The following INPP5F variants were observed in gnomAD, a reference collection of about 807,000 sequenced individuals.
The protein encoded by INPP5F is inositol polyphosphate-5-phosphatase F.
INPP5F carries 97 observed loss-of-function variants against 137.2 expected under a neutral mutation model. The observed-to-expected ratio is 0.71, with a 90% confidence interval of 0.60 to 0.84. The LOEUF is 0.84. INPP5F is among the 40% of genes least tolerant of loss of function. The pLI is 0.00. For missense variants in INPP5F, 1,271 were observed against 1,371.9 expected, an observed-to-expected ratio of 0.93 and a Z score of 1.16; for synonymous variants, 504 against 476.9, an observed-to-expected ratio of 1.06 and a Z score of -0.74.
intron 2 of INPP5F, among the ~76,000 whole-genome samples, chr10:119,779,523 G>C (rs1054388621): frequency 6.6e-6 from 1 of 151,806 alleles, no homozygotes. Flanking sequence ...AGGCTTAAGC[G>C]ATCCTCCTAC....
At chr10:119,816,134 G>T (rs1309483742) in intron 15 of INPP5F, 3 of 152,312 alleles carry the variant, frequency 2.0e-5, no homozygotes, top group African/African-American at 7.2e-5. Context: ...TGTCCCTGTG[G>T]CTGGCTCCAC....
intron 1 of INPP5F, among the ~76,000 whole-genome samples, chr10:119,740,841 C>T (rs1319952162): frequency 6.6e-6 from 1 of 152,034 alleles, no homozygotes; most frequent in East Asian, 1.9e-4. Flanking sequence ...GTGCCCGGCC[C>T]CATACTTTTT....
At chr10:119,824,204 A>G (rs1250622172) in intron 19 of INPP5F, among the ~76,000 whole-genome samples, 1 of 152,312 alleles carries the variant, frequency 6.6e-6, no homozygotes, top group East Asian at 1.9e-4. Context: ...TCAAAACTTA[A>G]GAAAGTAACC....
At chr10:119,740,745 G>A (rs1280504685) in intron 1 of INPP5F, among the ~76,000 whole-genome samples, 1 of 152,136 alleles carries the variant, frequency 6.6e-6, no homozygotes, top group Non-Finnish European at 1.5e-5. Context: ...GTTTCACCAT[G>A]TTGGCCAGGC....
chr10:119,827,997 AC>A lies in INPP5F; in HGVS notation c.*218del. On this transcript the variant is annotated 3_prime_UTR_variant, in exon 20 of 20. Transcript: ENST00000650623. ...GAATGTGTAGACCTGAGTAGCTTATACACTACAGAGCACTTTGCTTATTTGA... is the reference window on the plus strand; with the variant it reads ...GAATGTGTAGACCTGAGTAGCTTATAACTACAGAGCACTTTGCTTATTTGA... 4 of 487,510 alleles carry A rather than the reference AC, an allele frequency of 8.2e-6. No individual in the cohort carries two copies. The allele number at this position is 487,510 out of a possible 1,614,324, so 30.2% of individuals were successfully genotyped here.
At chr10:119,796,013 G>A (rs1174585228) in intron 6 of INPP5F, among the ~76,000 whole-genome samples, 2 of 150,148 alleles carry the variant, frequency 1.3e-5, no homozygotes, top group Non-Finnish European at 1.5e-5. Context: ...GTTGCAGTGA[G>A]CCGAGATGGC....
At position 119,748,218 on chromosome 10, in the gene INPP5F, A is replaced by C. The variant is rs1589673704; in HGVS notation, c.98-2858A>C. Among the ~76,000 whole-genome samples the C allele has an allele frequency of 6.6e-6, 1 of 152,200 alleles. No homozygotes were observed. Among genetic ancestry groups the C allele is most frequent in the African/African-American group, 2.4e-5 (1 of 41,464 alleles). On this transcript the variant is annotated intron_variant, in intron 1 of 19. Coordinates refer to ENST00000650623, the MANE Select transcript of INPP5F (RefSeq NM_014937.4). The surrounding 1 kb of genome is among the most constrained non-coding windows in gnomAD (Gnocchi z 4.7). ...ACCGGTACAGGCACTGGCTTTGTGC[A>C]AGGCTGTGGCTGGACCAGGTGTACC...
intron 2 of INPP5F, among the ~76,000 whole-genome samples, chr10:119,767,450 G>C (rs538371273): frequency 4.6e-5 from 7 of 152,178 alleles, no homozygotes; most frequent in African/African-American, 1.7e-4. Flanking sequence ...ATTGTAAAAA[G>C]CTCATAAAGG....
chr10:119,732,389 A>G (rs1486394957), intron 1 of INPP5F, among the ~76,000 whole-genome samples: 2 of 152,082 alleles, frequency 1.3e-5, no homozygotes, highest in Non-Finnish European at 2.9e-5. Context: ...CAGGTTTTAC[A>G]GATTGAGGGA....
intron 2 of INPP5F, 85 bp downstream of exon 2, chr10:119,751,241 C>T: frequency 1.2e-6 from 1 of 847,026 alleles, no homozygotes; most frequent in Middle Eastern, 2.5e-4. Context: ...ATGAGATTCT[C>T]TTATAGCTTT....
chr10:119,751,870 G>T (rs768466290), intron 2 of INPP5F, among the ~76,000 whole-genome samples: 1 of 152,182 alleles, frequency 6.6e-6, no homozygotes, highest in Non-Finnish European at 1.5e-5. Flanking sequence ...GCCTCCAGCA[G>T]TTCCCCTGCC....
At chr10:119,732,036 G>GTTTTTTT (rs57619660) in intron 1 of INPP5F, among the ~76,000 whole-genome samples, 1 of 101,614 alleles carries the variant, frequency 9.8e-6, no homozygotes, top group Non-Finnish European at 2.0e-5. Context: ...AAGACAAGTG[G>GTTTTTTT]TTTTTTTTTT....
At chr10:119,763,178 G>A (rs1489673452) in intron 2 of INPP5F, among the ~76,000 whole-genome samples, 1 of 152,226 alleles carries the variant, frequency 6.6e-6, no homozygotes, top group Non-Finnish European at 1.5e-5. Context: ...AACTCCTTGA[G>A]ATCTTAAGGC....
At position 119,772,817 on chromosome 10, in the gene INPP5F, C is replaced by T. The variant is rs552297219; in HGVS notation, c.179-8818C>T. 3.3e-5 allele frequency among the ~76,000 whole-genome samples: 5 copies of T among 150,952 alleles called. No individual in the cohort carries two copies. The East Asian group carries it at 9.8e-4, about 30-fold the overall frequency. Reference sequence around the variant, plus strand: ...GGAGTGCAGTGGCGCAATCTTGGCTCACCGCAACCTCCACCTCCCGGGTCC... The same window carrying T: ...GGAGTGCAGTGGCGCAATCTTGGCTTACCGCAACCTCCACCTCCCGGGTCC... On this transcript the variant is annotated intron_variant, in intron 2 of 19. Transcript: ENST00000650623.
chr10:119,796,633 T>C (rs1367714455), intron 6 of INPP5F, 82 bp from the exon 7 acceptor site: 6 of 1,046,250 alleles, frequency 5.7e-6, no homozygotes, highest in Non-Finnish European at 9.0e-6. Flanking sequence ...AACTGAGAAA[T>C]ATGTGCTGAC....
chr10:119,824,440 T>C (rs972673346), intron 19 of INPP5F, among the ~76,000 whole-genome samples: 1 of 152,190 alleles, frequency 6.6e-6, no homozygotes, highest in African/African-American at 2.4e-5. Flanking sequence ...CAGTGTTCTT[T>C]CCTGATGAAG....
At chr10:119,824,243 G>A (rs1185603039) in intron 19 of INPP5F, among the ~76,000 whole-genome samples, 2 of 152,186 alleles carry the variant, frequency 1.3e-5, no homozygotes, top group African/African-American at 2.4e-5. Flanking sequence ...CCAAAGTACA[G>A]ATTTCACTAG....
chr10:119,819,328 A>G (rs1212126295), intron 15 of INPP5F: 3 of 1,128,256 alleles, frequency 2.7e-6, no homozygotes. Flanking sequence ...GAGGGTTGAC[A>G]TTTTCCGACT....
intron 2 of INPP5F, 76 bp downstream of exon 2, chr10:119,751,232 T>C: frequency 1.1e-6 from 1 of 890,876 alleles, no homozygotes; most frequent in East Asian, 2.4e-5. Flanking sequence ...TGAGGATACA[T>C]GAGATTCTCT....
Sources: allele counts gnomAD v4.1 joint callset (sites outside exome capture counted in the v4.1 genomes callset), GRCh38; gene constraint gnomAD v4.1.1; non-coding constraint Gnocchi (gnomAD v3.1); transcripts MANE v1.5; gene names NCBI Gene and HGNC (gene_info 2026-07-23, HGNC 2026-07-21).